ERC2: variants seen among roughly 807,000 people sequenced by gnomAD.
The protein encoded by ERC2 is ERC protein 2.
A neutral mutation model predicts 114.8 loss-of-function variants in ERC2; 42 were observed. That is an observed-to-expected ratio of 0.37 (90% confidence interval 0.29 to 0.47). The LOEUF (loss-of-function observed/expected upper bound fraction) is 0.47. ERC2 is among the 20% of genes least tolerant of loss of function. The pLI is 0.99. For synonymous variants in ERC2, 454 were observed against 425.5 expected (o/e 1.07, Z -0.82); for missense variants, 939 against 1,150.7 (o/e 0.82, Z 2.66).
At position 55,781,700 on chromosome 3, in the gene ERC2, G is replaced by A. The variant is rs113534773; in HGVS notation, c.2565-46782C>T. The stretch of plus-strand genomic sequence containing the variant: ...CATCCTGGCCAACAGGTGAAACCCT[G>A]TCTCTACTAAAAATACAAAAAATTA... On this transcript the variant is annotated intron_variant, in intron 14 of 17. Transcript: ENST00000288221. Among the ~76,000 whole-genome samples the A allele has an allele frequency of 4.2e-3, 643 of 151,786 alleles. 4 individuals are homozygous for A. Among genetic ancestry groups the A allele is most frequent in the African/African-American group, 0.015 (611 of 41,404 alleles).
At chr3:56,192,735 G>A (rs1381681209) in intron 3 of ERC2, among the ~76,000 whole-genome samples, 2 of 152,086 alleles carry the variant, frequency 1.3e-5, no homozygotes, top group Non-Finnish European at 2.9e-5. Flanking sequence ...TGTCTTCAAT[G>A]AGAGGGGCAA....
At chr3:55,779,558 C>T (rs17332241) in intron 14 of ERC2, among the ~76,000 whole-genome samples, 1 of 151,632 alleles carries the variant, frequency 6.6e-6, no homozygotes, top group Non-Finnish European at 1.5e-5. Context: ...TCAAAGCTGA[C>T]GTATCTTGGA....
At chr3:56,333,691 A>T (rs915548709) in intron 2 of ERC2, among the ~76,000 whole-genome samples, 1 of 144,952 alleles carries the variant, frequency 6.9e-6, no homozygotes, top group Admixed American at 7.1e-5. Flanking sequence ...ATCTCTTCCA[A>T]ATGAACATTT....
chr3:55,593,136 G>A (rs1250828742), intron 17 of ERC2, among the ~76,000 whole-genome samples: 1 of 152,198 alleles, frequency 6.6e-6, no homozygotes, highest in Non-Finnish European at 1.5e-5. Context: ...CTAGGCCCTT[G>A]ACTCCTGATC....
chr3:56,090,374 A>G (rs1447476983), intron 6 of ERC2, among the ~76,000 whole-genome samples: 1 of 152,186 alleles, frequency 6.6e-6, no homozygotes, highest in East Asian at 1.9e-4. Flanking sequence ...TCATTCATTC[A>G]ATAAATATGA....
chr3:56,180,152 T>G (rs2083210892), intron 3 of ERC2, among the ~76,000 whole-genome samples: 1 of 152,066 alleles, frequency 6.6e-6, no homozygotes, highest in Admixed American at 6.6e-5. Flanking sequence ...TACTGAGAGA[T>G]CAATAGGATG....
chr3:56,045,263 T>A (rs2075397883), intron 7 of ERC2, among the ~76,000 whole-genome samples: 1 of 152,200 alleles, frequency 6.6e-6, no homozygotes, highest in Non-Finnish European at 1.5e-5. Flanking sequence ...TACTTTTTAT[T>A]TTCATTTTAG....
In ERC2 at chr3:56,080,167, C is replaced by T. The variant is rs145539150; in HGVS notation, c.1641+650G>A. The stretch of plus-strand genomic sequence containing the variant: ...GAAGGCAGGATACTCAATGGCCCCA[C>T]TAAAACTATATACAGTAGCAAACAG... On this transcript the variant is annotated intron_variant, in intron 7 of 17. Transcript: ENST00000288221. Among the ~76,000 whole-genome samples, 487 of 152,246 alleles carry T rather than the reference C, an allele frequency of 3.2e-3. 4 individuals are homozygous for T. The highest frequency in any genetic ancestry group is 5.0e-3 in the Non-Finnish European group (341 of 68,012).
At chr3:55,993,653 CTTAT>C (rs894663338) in intron 10 of ERC2, among the ~76,000 whole-genome samples, 38 of 150,654 alleles carry the variant, frequency 2.5e-4, no homozygotes, top group African/African-American at 9.3e-4. Flanking sequence ...CTAAGATTTC[CTTAT>C]TTAAGAAATA....
chr3:55,545,877 G>C (rs1055331300), intron 17 of ERC2, among the ~76,000 whole-genome samples: 39 of 152,316 alleles, frequency 2.6e-4, no homozygotes, highest in Non-Finnish European at 2.5e-4. Context: ...AGGAACCCAA[G>C]GGGCGGGGGA....
intron 14 of ERC2, among the ~76,000 whole-genome samples, chr3:55,739,621 A>C (rs1490164661): frequency 6.6e-6 from 1 of 151,818 alleles, no homozygotes; most frequent in East Asian, 1.9e-4. Flanking sequence ...TTTTCTTGTA[A>C]ATTTATTTAA....
intron 1 of ERC2, among the ~76,000 whole-genome samples, chr3:56,446,922 C>A (rs534495272): frequency 5.9e-5 from 9 of 152,202 alleles, no homozygotes; most frequent in African/African-American, 1.9e-4. Flanking sequence ...CCACCACACC[C>A]GGCCGAGAGT....
At chr3:56,170,884 C>T (rs1374139797) in intron 4 of ERC2, among the ~76,000 whole-genome samples, 1 of 151,776 alleles carries the variant, frequency 6.6e-6, no homozygotes, top group East Asian at 1.9e-4. Flanking sequence ...CCTGCCTCAG[C>T]CTCCCGAGTA....
At chr3:56,230,154 C>G (rs929881679) in intron 3 of ERC2, among the ~76,000 whole-genome samples, 1 of 151,976 alleles carries the variant, frequency 6.6e-6, no homozygotes, top group Non-Finnish European at 1.5e-5. Flanking sequence ...GCATGAGCAA[C>G]CATGCCTGGC....
chr3:56,342,576 CACCAGAGTGT>C (rs1441949118), intron 2 of ERC2, among the ~76,000 whole-genome samples: 4 of 152,168 alleles, frequency 2.6e-5, no homozygotes, highest in Non-Finnish European at 4.4e-5. Context: ...ACATTTTTAT[CACCAGAGTGT>C]ACCAGGATGG....
intron 3 of ERC2, among the ~76,000 whole-genome samples, chr3:56,263,217 C>T (rs1231434570): frequency 6.6e-6 from 1 of 151,860 alleles, no homozygotes; most frequent in Non-Finnish European, 1.5e-5. Flanking sequence ...AAGGGTGAGA[C>T]ACTAGCAAGA....
intron 13 of ERC2, among the ~76,000 whole-genome samples, chr3:55,926,614 T>C (rs1284747936): frequency 1.3e-5 from 2 of 152,194 alleles, no homozygotes; most frequent in African/African-American, 4.8e-5. Context: ...ATCTTGGGTC[T>C]GTCACTAGCA....
intron 6 of ERC2, among the ~76,000 whole-genome samples, chr3:56,117,875 A>G (rs1211903738): frequency 1.1e-4 from 16 of 152,232 alleles, no homozygotes; most frequent in Admixed American, 1.0e-3. Context: ...CACCATGGCA[A>G]TGAGAACCAG....
intron 3 of ERC2, among the ~76,000 whole-genome samples, chr3:56,195,500 C>CGTGCGTGT (rs1553873465): frequency 3.3e-5 from 5 of 149,924 alleles, no homozygotes; most frequent in African/African-American, 9.8e-5. Flanking sequence ...TGCGTGTGTG[C>CGTGCGTGT]GTGTGTGTGT....
Sources: gnomAD v4.1 joint callset for allele counts (sites outside exome capture counted in the v4.1 genomes callset) on GRCh38, gnomAD v4.1.1 for gene constraint, MANE v1.5 for transcripts, NCBI Gene and HGNC (gene_info 2026-07-23, HGNC 2026-07-21) for gene names.